Variants in MAN1B1 observed in about 807,000 individuals in gnomAD.
MAN1B1 encodes the protein mannosidase alpha class 1B member 1.
A neutral mutation model predicts 75.5 loss-of-function variants in MAN1B1; 66 were observed. The ratio of observed to expected loss-of-function variants is 0.87; its 90% CI spans 0.72 to 1.07. The LOEUF (loss-of-function observed/expected upper bound fraction) is 1.07, where lower values mean the gene tolerates loss of function less well. MAN1B1 is among the 50% of genes least tolerant of loss of function. MAN1B1 has a pLI of 0.00. For synonymous variants in MAN1B1, 453 were observed against 382.8 expected (o/e 1.18, Z -2.14); for missense variants, 973 against 912.5 (o/e 1.07, Z -0.85).
In MAN1B1 at chr9:137,108,755, G is replaced by A. The variant is rs1255122478; in HGVS notation, c.*164G>A. On this transcript the variant is annotated 3_prime_UTR_variant, in exon 13 of 13. Coordinates refer to ENST00000371589, the MANE Select transcript of MAN1B1 (RefSeq NM_016219.5). ...TCTGCTTTAATCAGGACACCGTGAGGACAAGTGAGGCCGTCAGTCTTGGTG... is the reference window on the plus strand; with the variant it reads ...TCTGCTTTAATCAGGACACCGTGAGAACAAGTGAGGCCGTCAGTCTTGGTG... 7 of 732,382 alleles carry A rather than the reference G, an allele frequency of 9.6e-6. No homozygotes were observed. Among genetic ancestry groups the A allele is most frequent in the Admixed American group, 2.0e-5 (1 of 50,232 alleles). The allele number at this position is 732,382 out of a possible 1,614,324, so 45.4% of individuals were successfully genotyped here.
At chr9:137,108,079 G>T in intron 12 of MAN1B1, 1 of 605,534 alleles carries the variant, frequency 1.7e-6, no homozygotes. Context: ...TTGGCCTGAG[G>T]CCCCCGCTGC....
rs953766545 is a variant in MAN1B1, at chr9:137,097,905, C to T, written c.698C>T (p.Pro233Leu). ...AGAGCAGAAGTGCCCACCAAGCCTC[C>T]CCTGCCACCGGCCAGGACACAGGGC... Reference protein sequence around the residue: ...SRRAEVPTKPPLPPARTQGTP... With the variant: ...SRRAEVPTKPLLPPARTQGTP... Residue 233 changes from proline to leucine, a missense_variant, in exon 5 of 13, where the codon CCC (proline) becomes CTC (leucine). Transcript: ENST00000371589. 9 of 1,560,156 alleles carry T rather than the reference C, an allele frequency of 5.8e-6. No homozygotes were observed. The highest frequency in any genetic ancestry group is 2.4e-5 in the South Asian group (2 of 84,508).
Position 137,101,167 on chromosome 9 carries a change from G to T in MAN1B1, c.1065+14G>T. 6.2e-7 allele frequency: 1 copy of T among 1,613,378 alleles called. No homozygotes were observed. Among genetic ancestry groups the T allele is most frequent in the Non-Finnish European group, 8.5e-7 (1 of 1,180,006 alleles). ...CTGAGGAAAGCTGTAAGTGTCTTGG[G>T]GTGTCCTGCAGGGAGATGGTGGACT... On this transcript the variant is annotated intron_variant, in intron 7 of 12. Transcript: ENST00000371589.
intron 3 of MAN1B1, among the ~76,000 whole-genome samples, chr9:137,089,770 A>G (rs887458062): frequency 2.6e-5 from 4 of 152,084 alleles, no homozygotes; most frequent in African/African-American, 9.7e-5. Context: ...AGTGCTCCGC[A>G]GGAGTGGGCC....
chr9:137,106,512 T>G (rs1050724902), intron 9 of MAN1B1, 177 bp from the exon 10 acceptor site: 60 of 1,087,566 alleles, frequency 5.5e-5, no homozygotes, highest in African/African-American at 1.5e-4. Context: ...CCGTGGCCTC[T>G]GGGGGGGTGA....
Position 137,096,257 on chromosome 9 carries a change from G to A in MAN1B1, c.486G>A (p.Gln162=). 1 of 1,614,180 alleles carries A rather than the reference G, an allele frequency of 6.2e-7. No individual in the cohort carries two copies. The highest frequency in any genetic ancestry group is 8.5e-7 in the Non-Finnish European group (1 of 1,180,046). ...ISSQKTQRHI[Q]RGPPHLQIRP... is the part of the protein sequence containing the mutation. The stretch of plus-strand genomic sequence containing the variant: ...TACAGAAGACACAAAGACACATCCA[G>A]CGGGGACCACCTCACCTGCAGATTA... Residue 162 remains glutamine, a synonymous_variant, in exon 4 of 13, where the codon CAG becomes CAA. Coordinates refer to ENST00000371589, the MANE Select transcript of MAN1B1 (RefSeq NM_016219.5).
rs148552209 is a variant in MAN1B1 at position 137,097,840 on chromosome 9, G to A, written c.633G>A (p.Ala211=). ...PQRTVISWRG[A]VIEPEQGTEL... ...TTCTCCCCCGAAGCTGGAGGGGAGC[G>A]GTGATCGAGCCTGAGCAGGGCACCG... The change falls in exon 5 of 13, where the codon GCG becomes GCA. Residue 211 remains alanine (A), a synonymous_variant. Transcript: ENST00000371589. 6.4e-6 allele frequency: 10 copies of A among 1,554,692 alleles called. No homozygotes were observed. Among genetic ancestry groups the A allele is most frequent in the South Asian group, 3.6e-5 (3 of 84,230 alleles).
chr9:137,088,022 A>G, intron 1 of MAN1B1, 53 bp from the exon 2 acceptor site: 4 of 1,316,842 alleles, frequency 3.0e-6, no homozygotes, highest in Non-Finnish European at 4.4e-6. Context: ...GACAGTTGAG[A>G]CGTTCCGTGT....
rs1289190887 is a variant in MAN1B1 at position 137,104,476 on chromosome 9, A to G, written c.1255-1649A>G. The G allele has an allele frequency of 3.3e-5, 8 of 245,450 alleles. No homozygotes were observed. The East Asian group carries it at 7.6e-4, about 23-fold the overall frequency. The allele number at this position is 245,450 out of a possible 1,614,324, so 15.2% of individuals were successfully genotyped here. ...TCTCAAACTCCTGACCTCGTGATCC[A>G]CCCGCCTGGGCCTCCCACAGTGCTG... is the stretch of plus-strand genomic sequence containing the variant. On this transcript the variant is annotated intron_variant, in intron 8 of 12. Transcript: ENST00000371589.
rs1418484853 is a variant in MAN1B1 at position 137,098,396 on chromosome 9, G to A, written c.730+459G>A. Reference sequence around the variant, plus strand: ...GACACGATAAGCCACTCACCCTCCCGTTCTCCAGACTGAAAAGCAGGGCTG... The same window carrying A: ...GACACGATAAGCCACTCACCCTCCCATTCTCCAGACTGAAAAGCAGGGCTG... On this transcript the variant is annotated intron_variant, in intron 5 of 12. Transcript: ENST00000371589. Among the ~76,000 whole-genome samples, 7 of 152,186 alleles carry A rather than the reference G, an allele frequency of 4.6e-5. No homozygotes were observed. In the South Asian group the frequency reaches 6.2e-4, roughly 14 times the overall value.
rs1164752378 is a variant in MAN1B1 at position 137,099,679 on chromosome 9, T to C, written c.731-17T>C. ...GGACCACGTCCGCCATGGCCTGTGCTCTCTCCCCCCTACTAGTGCATCTGA... is the reference window on the plus strand; with the variant it reads ...GGACCACGTCCGCCATGGCCTGTGCCCTCTCCCCCCTACTAGTGCATCTGA... On this transcript the variant is annotated splice_polypyrimidine_tract_variant and intron_variant, in intron 5 of 12. Transcript: ENST00000371589. 1 of 1,613,536 alleles carries C rather than the reference T, an allele frequency of 6.2e-7. No homozygotes were observed. The highest frequency in any genetic ancestry group is 1.7e-5 in the Admixed American group (1 of 59,986).
Position 137,108,647 on chromosome 9 carries a change from T to C in MAN1B1, c.*56T>C, listed in dbSNP as rs1390477614. 1 of 1,559,408 alleles carries C rather than the reference T, an allele frequency of 6.4e-7. No individual in the cohort carries two copies. Among genetic ancestry groups the C allele is most frequent in the South Asian group, 1.1e-5 (1 of 89,968 alleles). On this transcript the variant is annotated 3_prime_UTR_variant, in exon 13 of 13. Coordinates refer to ENST00000371589, the MANE Select transcript of MAN1B1 (RefSeq NM_016219.5). ...GTGGGCAGAGGCACCTTGCTGGGTC[T>C]GTGGCATTTTCCAAGGGCCCACGTA...
In MAN1B1 at chr9:137,096,296, A is replaced by G. The variant is rs750545947; in HGVS notation, c.525A>G (p.Gln175=). 1.1e-5 allele frequency: 17 copies of G among 1,614,150 alleles called. No homozygotes were observed. The highest frequency in any genetic ancestry group is 8.9e-5 in the East Asian group (4 of 44,880). The change falls in exon 4 of 13, where the codon CAA becomes CAG. Residue 175 remains glutamine (Q), a synonymous_variant. Transcript: ENST00000371589. ...ACCTGCAGATTAGACCCCCAAGCCA[A>G]GACCTGAAGGATGGGACCCAGGAGG... ...PPHLQIRPPS[Q]DLKDGTQEEA...
rs538674051 is a variant in MAN1B1, at chr9:137,101,681, G to A, written c.1254+9G>A. 1.6e-5 allele frequency: 25 copies of A among 1,610,618 alleles called. 1 individual carries two copies. The Middle Eastern group carries it at 4.9e-4, about 32-fold the overall frequency. ...GGGATAAGAAGTTTCAGGTAAGGGGGCAGGCTTTCTGGCTGGATGCGCCTC... is the reference window on the plus strand; with the variant it reads ...GGGATAAGAAGTTTCAGGTAAGGGGACAGGCTTTCTGGCTGGATGCGCCTC... On this transcript the variant is annotated intron_variant, in intron 8 of 12. Transcript: ENST00000371589.
intron 9 of MAN1B1, 102 bp downstream of exon 9, chr9:137,106,417 C>G: frequency 8.6e-7 from 1 of 1,159,874 alleles, no homozygotes; most frequent in Non-Finnish European, 1.2e-6. Context: ...CCTGCTGCCC[C>G]CCGCCACACT....
At chr9:137,106,875 CATG>C in intron 10 of MAN1B1, 66 bp downstream of exon 10, 1 of 1,524,298 alleles carries the variant, frequency 6.6e-7, no homozygotes. Flanking sequence ...GTGCCTGAGT[CATG>C]ATGTCAAAAA....
In MAN1B1 at chr9:137,088,197, G is replaced by A. The variant is rs1391854334; in HGVS notation, c.328+14G>A. On this transcript the variant is annotated intron_variant, in intron 2 of 12. Coordinates refer to ENST00000371589, the MANE Select transcript of MAN1B1 (RefSeq NM_016219.5). ...ACCATTGGAAAGGTATCAGAAACAC[G>A]TGTACTTGAAAACGATATCTGTGTT... The A allele has an allele frequency of 6.2e-7, 1 of 1,613,976 alleles. No homozygotes were observed. Among genetic ancestry groups the A allele is most frequent in the East Asian group, 2.2e-5 (1 of 44,890 alleles).
At chr9:137,093,812 C>T (rs113903113) in intron 3 of MAN1B1, among the ~76,000 whole-genome samples, 4 of 151,416 alleles carry the variant, frequency 2.6e-5, no homozygotes, top group Admixed American at 2.0e-4. Flanking sequence ...CCAGCCTGGG[C>T]GACAGAGCAA....
chr9:137,103,618 C>T, intron 8 of MAN1B1: 2 of 436,580 alleles, frequency 4.6e-6, no homozygotes, highest in South Asian at 3.3e-5. Context: ...CACATTCATG[C>T]TGTTGCAGGC....
Sources: allele counts gnomAD v4.1 joint callset (sites outside exome capture counted in the v4.1 genomes callset), GRCh38; gene constraint gnomAD v4.1.1; transcripts MANE v1.5; gene names NCBI Gene and HGNC (gene_info 2026-07-23, HGNC 2026-07-21).